TSPAN15: variants seen among roughly 807,000 people sequenced by gnomAD.
TSPAN15 encodes tetraspanin 15.
In TSPAN15, 20 loss-of-function variants were observed where a neutral mutation model predicts 34.5. The observed-to-expected ratio is 0.58, with a 90% CI of 0.41 to 0.84. The LOEUF (loss-of-function observed/expected upper bound fraction) is 0.84, where lower values mean the gene tolerates loss of function less well. TSPAN15 is among the 40% of genes least tolerant of loss of function. The pLI, the probability that TSPAN15 is intolerant of heterozygous loss-of-function variation, is 0.00. For missense variants in TSPAN15, 313 were observed against 386.1 expected (o/e 0.81, Z 1.59); for synonymous variants, 155 against 153.9 (o/e 1.01, Z -0.05).
intron 1 of TSPAN15, among the ~76,000 whole-genome samples, chr10:69,466,418 T>C (rs1841386323): frequency 6.6e-6 from 1 of 152,142 alleles, no homozygotes. Context: ...AAGATGATTG[T>C]AGCTGGGCCA....
chr10:69,473,041 A>T (rs1284805708), intron 1 of TSPAN15, among the ~76,000 whole-genome samples: 14 of 152,226 alleles, frequency 9.2e-5, no homozygotes. Flanking sequence ...GGCATAGTTA[A>T]TACTCTCAAT....
At chr10:69,470,338 C>T (rs1435031963) in intron 1 of TSPAN15, among the ~76,000 whole-genome samples, 1 of 152,220 alleles carries the variant, frequency 6.6e-6, no homozygotes, top group Non-Finnish European at 1.5e-5. Context: ...AGGCACCTTT[C>T]CCCATGATGA....
At chr10:69,493,765 C>T (rs2133134303) in intron 3 of TSPAN15, among the ~76,000 whole-genome samples, 1 of 152,334 alleles carries the variant, frequency 6.6e-6, no homozygotes, top group Middle Eastern at 3.4e-3. Context: ...AGCCACTGCG[C>T]CAGGCCGCCC....
At chr10:69,470,895 C>G (rs749448989) in intron 1 of TSPAN15, among the ~76,000 whole-genome samples, 3 of 152,136 alleles carry the variant, frequency 2.0e-5, no homozygotes, top group Non-Finnish European at 4.4e-5. Flanking sequence ...CCCCGTCCCC[C>G]TTGCTGTTTC....
At position 69,484,324 on chromosome 10, in the gene TSPAN15, C is replaced by G. The variant is rs752704541; in HGVS notation, c.282+448C>G. ...GTGGTCACTGCCGGCGTCAGGCCAACAAAGTCCTTATGGTTCTAGATCTCA... is the reference window on the plus strand; with the variant it reads ...GTGGTCACTGCCGGCGTCAGGCCAAGAAAGTCCTTATGGTTCTAGATCTCA... On this transcript the variant is annotated intron_variant, in intron 2 of 7. Coordinates refer to ENST00000373290, the MANE Select transcript of TSPAN15 (RefSeq NM_012339.5). 1.3e-5 allele frequency among the ~76,000 whole-genome samples: 2 copies of G among 152,218 alleles called. 1 individual carries two copies. Among genetic ancestry groups the G allele is most frequent in the South Asian group, 4.1e-4 (2 of 4,838 alleles).
At position 69,480,608 on chromosome 10, in the gene TSPAN15, G is replaced by T. The variant is rs372442789; in HGVS notation, c.97-3083G>T. Among the ~76,000 whole-genome samples the T allele has an allele frequency of 4.6e-5, 7 of 152,182 alleles. No homozygotes were observed. In the East Asian group the frequency reaches 1.2e-3, roughly 25 times the overall value. On this transcript the variant is annotated intron_variant, in intron 1 of 7. Coordinates refer to ENST00000373290, the MANE Select transcript of TSPAN15 (RefSeq NM_012339.5). ...TGCTTTGAGGTGGATGAGCCTCAGG[G>T]CTCTTTTATTTGTCCAGGTTTAGAG...
intron 3 of TSPAN15, among the ~76,000 whole-genome samples, chr10:69,490,702 G>GT (rs1210417878): frequency 2.0e-5 from 3 of 152,226 alleles, no homozygotes; most frequent in Non-Finnish European, 4.4e-5. Context: ...TCCAGCCTGG[G>GT]TGACAGAGCA....
chr10:69,509,991 A>G (rs1422722181), downstream of TSPAN15, among the ~76,000 whole-genome samples: 2 of 152,170 alleles, frequency 1.3e-5, no homozygotes, highest in African/African-American at 2.4e-5. Context: ...GCCTTATACT[A>G]TAGTTTGAAG....
In TSPAN15 at chr10:69,451,592, A is replaced by T; in HGVS notation, c.-3A>T. ...CCCGTAACCCGCGCGGGGAGCGCCCAGGATGCCGCGCGGGGACTCGGAGCA... is the reference window on the plus strand; with the variant it reads ...CCCGTAACCCGCGCGGGGAGCGCCCTGGATGCCGCGCGGGGACTCGGAGCA... On this transcript the variant is annotated 5_prime_UTR_variant, in exon 1 of 8. Transcript: ENST00000373290. The T allele has an allele frequency of 6.7e-7, 1 of 1,488,352 alleles. No homozygotes were observed. Among genetic ancestry groups the T allele is most frequent in the Non-Finnish European group, 9.0e-7 (1 of 1,116,148 alleles). The allele number at this position is 1,488,352 out of a possible 1,614,324, so 92.2% of individuals were successfully genotyped here.
intron 3 of TSPAN15, among the ~76,000 whole-genome samples, chr10:69,486,066 C>T (rs762841007): frequency 2.0e-5 from 3 of 152,140 alleles, no homozygotes; most frequent in Non-Finnish European, 4.4e-5. Context: ...CCACCTTGGG[C>T]GAGTTACTTG....
the TSPAN15 span, among the ~76,000 whole-genome samples, chr10:69,539,542 AAGGAGAAGGAGAAGG>A: frequency 3.2e-5 from 2 of 62,180 alleles, no homozygotes; most frequent in East Asian, 4.4e-4. Flanking sequence ...GAAGAAGGAG[AAGGAGAAGGAGAAGG>A]AGAAGGAGAA....
intron 1 of TSPAN15, among the ~76,000 whole-genome samples, chr10:69,451,951 T>C (rs112843485): frequency 0.11 from 16,393 of 152,306 alleles, 969 homozygotes; most frequent in Non-Finnish European, 0.13. Context: ...CTGGGCGGTT[T>C]GCCCGCTGTG....
At position 69,493,979 on chromosome 10, in the gene TSPAN15, T is replaced by G. The variant is rs573386761; in HGVS notation, c.358-1615T>G. Among the ~76,000 whole-genome samples the G allele has an allele frequency of 3.9e-4, 59 of 152,276 alleles. 1 individual carries two copies. The highest frequency in any genetic ancestry group is 1.0e-3 in the African/African-American group (43 of 41,544). On this transcript the variant is annotated intron_variant, in intron 3 of 7. Coordinates refer to ENST00000373290, the MANE Select transcript of TSPAN15 (RefSeq NM_012339.5). Reference sequence around the variant, plus strand: ...CTCGGGGAGGAGGTGGGTGCTGCAGTCTTTGTTCCTCTTTTCCTGATCCTG... The same window carrying G: ...CTCGGGGAGGAGGTGGGTGCTGCAGGCTTTGTTCCTCTTTTCCTGATCCTG...
the TSPAN15 span, among the ~76,000 whole-genome samples, chr10:69,540,874 T>C: frequency 6.6e-6 from 1 of 152,084 alleles, no homozygotes; most frequent in Non-Finnish European, 1.5e-5. Flanking sequence ...GGATGTGTCC[T>C]GCGTTCAGGA....
intron 1 of TSPAN15, among the ~76,000 whole-genome samples, chr10:69,482,297 T>C (rs949640538): frequency 2.6e-5 from 4 of 152,284 alleles, no homozygotes; most frequent in African/African-American, 9.6e-5. Context: ...TTCCAGGCAG[T>C]TGGAACTGCC....
At chr10:69,547,433 C>T in the TSPAN15 span, among the ~76,000 whole-genome samples, 1 of 152,216 alleles carries the variant, frequency 6.6e-6, no homozygotes, top group Non-Finnish European at 1.5e-5. Context: ...GCCCTGCACT[C>T]TGGAGGATGA....
the TSPAN15 span, among the ~76,000 whole-genome samples, chr10:69,519,188 A>G: frequency 6.6e-6 from 1 of 152,192 alleles, no homozygotes; most frequent in Non-Finnish European, 1.5e-5. Context: ...AGGCTGAGAC[A>G]GGTGGATTGC....
rs201774466 is a variant in TSPAN15, at chr10:69,468,768, TA to T, written c.97-14911del. On this transcript the variant is annotated intron_variant, in intron 1 of 7. Transcript: ENST00000373290. ...CTCACACCACTGCTGTCCATCTGAT[TA>T]AAAAAAAAAAATCACCATGAAATCA... Among the ~76,000 whole-genome samples, 605 of 146,626 alleles carry T rather than the reference TA, an allele frequency of 4.1e-3. 4 individuals are homozygous for T. The highest frequency in any genetic ancestry group is 8.5e-3 in the East Asian group (43 of 5,044).
chr10:69,529,015 T>C, the TSPAN15 span, among the ~76,000 whole-genome samples: 1 of 148,200 alleles, frequency 6.7e-6, no homozygotes, highest in African/African-American at 2.5e-5. Flanking sequence ...TCACTGGGAA[T>C]CCGCCCCCTT....
Sources: gnomAD v4.1 joint callset for allele counts (sites outside exome capture counted in the v4.1 genomes callset) on GRCh38, gnomAD v4.1.1 for gene constraint, MANE v1.5 for transcripts, NCBI Gene and HGNC (gene_info 2026-07-23, HGNC 2026-07-21) for gene names.